Variants in NUP210L observed in about 807,000 individuals in gnomAD.
The protein encoded by NUP210L is nuclear pore membrane glycoprotein 210-like.
Under a neutral mutation model 208.5 loss-of-function variants are expected in NUP210L, and 74 were observed. The ratio of observed to expected loss-of-function variants is 0.35; its 90% confidence interval spans 0.29 to 0.43. NUP210L has a LOEUF of 0.43. Among genes scored for constraint, NUP210L ranks in the 20% least tolerant of loss-of-function variants. The probability of loss-of-function intolerance (pLI) is 1.00; values close to 1 mark genes in which losing one functional copy is unlikely to be tolerated. For missense variants in NUP210L, 1,843 were observed against 2,289.4 expected, an observed-to-expected ratio of 0.81 and a Z score of 3.98; for synonymous variants, 780 against 816.9, an observed-to-expected ratio of 0.95 and a Z score of 0.77.
chr1:154,025,305 T>C (rs1281482366), intron 30 of NUP210L, among the ~76,000 whole-genome samples: 1 of 151,770 alleles, frequency 6.6e-6, no homozygotes, highest in African/African-American at 2.4e-5. Context: ...GACTGGCCTC[T>C]TATAGGTTCA....
At chr1:154,019,059 C>T (rs1571174806) in exon 33 of NUP210L, 4 of 1,614,022 alleles carry the variant, frequency 2.5e-6, no homozygotes, top group Non-Finnish European at 2.5e-6. Flanking sequence ...TCATCCATAT[C>T]CCAGGTTCAC....
rs12040030 is a variant in NUP210L at position 154,139,687 on chromosome 1, C to A, written c.717+115G>T. The A allele has an allele frequency of 4.2e-3, 2,285 of 543,892 alleles. 85 individuals carry two copies. The East Asian group carries it at 0.078, about 19-fold the overall frequency. The allele number at this position is 543,892 out of a possible 1,614,324, so 33.7% of individuals were successfully genotyped here. On this transcript the variant is annotated intron_variant, in intron 5 of 39. Coordinates refer to ENST00000368559, the Ensembl canonical transcript of NUP210L. ...GTCTCTACAAAAACAAACAAACAAA[C>A]AAAAAAAAAAAAAAAACAGGGCGGG...
chr1:154,150,065 TAAAAATTAC>T (rs1270043568), intron 2 of NUP210L, among the ~76,000 whole-genome samples: 2 of 152,138 alleles, frequency 1.3e-5, no homozygotes, highest in Non-Finnish European at 2.9e-5. Context: ...CCTACCTCTA[TAAAAATTAC>T]AAAAATTTAG....
At chr1:154,136,734 C>T (rs1658565251) in intron 6 of NUP210L, among the ~76,000 whole-genome samples, 1 of 151,440 alleles carries the variant, frequency 6.6e-6, no homozygotes, top group South Asian at 2.1e-4. Flanking sequence ...GCCTGGGCAA[C>T]ATGGTGAAAC....
intron 16 of NUP210L, among the ~76,000 whole-genome samples, chr1:154,073,676 A>G (rs1283215538): frequency 6.6e-6 from 1 of 151,798 alleles, no homozygotes; most frequent in East Asian, 1.9e-4. Flanking sequence ...TTAGCCGGGC[A>G]TGGTGGTGCA....
chr1:154,053,994 T>C (rs565286895), intron 25 of NUP210L, among the ~76,000 whole-genome samples: 1 of 152,230 alleles, frequency 6.6e-6, no homozygotes, highest in Non-Finnish European at 1.5e-5. Flanking sequence ...GTTTTTCTCT[T>C]CTTCAAAGCA....
chr1:154,037,295 A>G (rs1376244298), intron 27 of NUP210L, among the ~76,000 whole-genome samples: 2 of 152,164 alleles, frequency 1.3e-5, no homozygotes, highest in African/African-American at 2.4e-5. Flanking sequence ...TGAAGTCTCC[A>G]GTTAATGTTG....
chr1:154,003,311 C>T (rs1650324577), intron 35 of NUP210L, among the ~76,000 whole-genome samples: 1 of 151,732 alleles, frequency 6.6e-6, no homozygotes, highest in Non-Finnish European at 1.5e-5. Context: ...AGGTTCACGC[C>T]ATTCTCCTGC....
At chr1:154,035,968 C>T (rs976014932) in intron 27 of NUP210L, among the ~76,000 whole-genome samples, 2 of 150,142 alleles carry the variant, frequency 1.3e-5, no homozygotes, top group Non-Finnish European at 3.0e-5. Context: ...CTCCTGACCT[C>T]GTGATCCACC....
chr1:154,140,722 G>A (rs1450267177), intron 4 of NUP210L, among the ~76,000 whole-genome samples: 3 of 150,312 alleles, frequency 2.0e-5, no homozygotes, highest in East Asian at 1.9e-4. Flanking sequence ...GGTGGCTCAC[G>A]CCGTAATCCC....
intron 29 of NUP210L, 126 bp from the exon 30 acceptor site, chr1:154,025,842 G>A: frequency 1.4e-6 from 1 of 696,360 alleles, no homozygotes; most frequent in Non-Finnish European, 2.4e-6. Context: ...TTCTCCACGT[G>A]TGTAATTATT....
intron 8 of NUP210L, among the ~76,000 whole-genome samples, chr1:154,127,623 T>C (rs1658052704): frequency 6.8e-6 from 1 of 147,356 alleles, no homozygotes; most frequent in Admixed American, 7.0e-5. Context: ...TGATTTCGGC[T>C]CACTGCAACC....
chr1:154,133,871 C>T (rs1334599180), intron 7 of NUP210L, among the ~76,000 whole-genome samples: 1 of 149,840 alleles, frequency 6.7e-6, no homozygotes, highest in Non-Finnish European at 1.5e-5. Context: ...ATTTTTTGGC[C>T]AGGCACAGTG....
At chr1:154,138,067 G>T in intron 6 of NUP210L, 39 bp downstream of exon 6, 1 of 1,420,218 alleles carries the variant, frequency 7.0e-7, no homozygotes, top group South Asian at 1.7e-5. Flanking sequence ...AAAAGATTTG[G>T]GAAATGTGAG....
intron 17 of NUP210L, among the ~76,000 whole-genome samples, chr1:154,065,311 T>C (rs1654349078): frequency 6.6e-6 from 1 of 151,576 alleles, no homozygotes; most frequent in South Asian, 2.1e-4. Context: ...TCCTAGCTAC[T>C]AGGGCGGCTG....
chr1:154,110,560 G>A (rs1415634532), intron 12 of NUP210L, among the ~76,000 whole-genome samples: 5 of 151,382 alleles, frequency 3.3e-5, no homozygotes, highest in Non-Finnish European at 7.4e-5. Flanking sequence ...GTGAGCCACC[G>A]CACCCAGCCG....
chr1:154,136,502 A>C (rs1188455245), intron 6 of NUP210L, among the ~76,000 whole-genome samples: 1 of 151,722 alleles, frequency 6.6e-6, no homozygotes, highest in African/African-American at 2.4e-5. Flanking sequence ...ATACAGAGAG[A>C]GAGAGAAAGA....
At position 154,154,614 on chromosome 1, in the gene NUP210L, T is replaced by C. The variant is rs1423787633; in HGVS notation, c.203+228A>G. ...CCACATCCCGAGAATTCCTCACACG[T>C]CTGGAAGATTGTCACACAGCTGGAG... On this transcript the variant is annotated intron_variant, in intron 1 of 39. Transcript: ENST00000368559. Among the ~76,000 whole-genome samples the C allele has an allele frequency of 2.6e-5, 4 of 151,766 alleles. 1 individual carries two copies. The highest frequency in any genetic ancestry group is 7.3e-5 in the African/African-American group (3 of 41,290).
chr1:154,029,761 G>T (rs1413665648), intron 28 of NUP210L, 135 bp downstream of exon 28: 19 of 658,580 alleles, frequency 2.9e-5, no homozygotes, highest in Non-Finnish European at 4.1e-5. Context: ...AAAGATCTAG[G>T]AAGTACAAAC....
Sources: gnomAD v4.1 joint callset for allele counts (sites outside exome capture counted in the v4.1 genomes callset) on GRCh38, gnomAD v4.1.1 for gene constraint, MANE v1.5 for transcripts, NCBI Gene and HGNC (gene_info 2026-07-23, HGNC 2026-07-21) for gene names.